PRDM5: variants seen among roughly 807,000 people sequenced by gnomAD.
PRDM5 encodes PR domain zinc finger protein 5.
PRDM5 carries 56 observed loss-of-function variants against 81.2 expected under a neutral mutation model. The ratio of observed to expected loss-of-function variants is 0.69; its 90% confidence interval spans 0.56 to 0.86. The LOEUF (loss-of-function observed/expected upper bound fraction) is 0.86. Ranked by LOEUF, PRDM5 falls within the 40% of genes least tolerant of loss-of-function variation. The probability of loss-of-function intolerance (pLI) is 0.00; values close to 1 mark genes in which losing one functional copy is unlikely to be tolerated. For missense variants in PRDM5, 697 were observed against 770.1 expected (o/e 0.91, Z 1.12); for synonymous variants, 267 against 256.4 (o/e 1.04, Z -0.39).
intron 14 of PRDM5, among the ~76,000 whole-genome samples, chr4:120,724,096 A>G (rs1739055229): frequency 6.6e-6 from 1 of 152,174 alleles, no homozygotes; most frequent in Non-Finnish European, 1.5e-5. Flanking sequence ...TATTTGAACC[A>G]GTACTGTAAG....
At chr4:120,851,906 C>T (rs1460484727) in intron 3 of PRDM5, among the ~76,000 whole-genome samples, 7 of 152,082 alleles carry the variant, frequency 4.6e-5, no homozygotes, top group Non-Finnish European at 1.0e-4. Flanking sequence ...AAATACTGTT[C>T]ATGTCTTATT....
chr4:120,869,949 G>T (rs1761600026), intron 2 of PRDM5, among the ~76,000 whole-genome samples: 1 of 151,988 alleles, frequency 6.6e-6, no homozygotes, highest in South Asian at 2.1e-4. Context: ...TGAGAGCACT[G>T]TGTAAGGAGA....
At chr4:120,778,347 A>G (rs1044732321) in intron 12 of PRDM5, among the ~76,000 whole-genome samples, 1 of 152,138 alleles carries the variant, frequency 6.6e-6, no homozygotes, top group Admixed American at 6.6e-5. Context: ...AAAGAATAGA[A>G]AAAGGTTTTT....
intron 14 of PRDM5, among the ~76,000 whole-genome samples, chr4:120,747,257 G>C (rs1364086471): frequency 1.4e-5 from 2 of 139,604 alleles, no homozygotes; most frequent in African/African-American, 5.4e-5. Context: ...ACACAGGAAG[G>C]GGAACATCAC....
At chr4:120,886,018 A>C (rs1158910926) in intron 2 of PRDM5, among the ~76,000 whole-genome samples, 1 of 152,212 alleles carries the variant, frequency 6.6e-6, no homozygotes, top group Non-Finnish European at 1.5e-5. Context: ...TGGCAGATAA[A>C]GGACAACCAC....
intron 14 of PRDM5, among the ~76,000 whole-genome samples, chr4:120,717,434 G>A (rs568538452): frequency 2.0e-4 from 31 of 152,254 alleles, no homozygotes; most frequent in Middle Eastern, 3.4e-3. Flanking sequence ...ATAAAAAGTC[G>A]TATTTTGTGT....
chr4:120,702,422 A>T (rs1395170770), intron 15 of PRDM5, among the ~76,000 whole-genome samples: 1 of 152,168 alleles, frequency 6.6e-6, no homozygotes, highest in Non-Finnish European at 1.5e-5. Context: ...CACATCTGCC[A>T]GGTGATGGTT....
intron 2 of PRDM5, among the ~76,000 whole-genome samples, chr4:120,858,506 C>T (rs1318540014): frequency 1.3e-5 from 2 of 152,058 alleles, no homozygotes; most frequent in Non-Finnish European, 2.9e-5. Flanking sequence ...GGGTTTTATT[C>T]CCCCACTGAT....
intron 2 of PRDM5, among the ~76,000 whole-genome samples, chr4:120,891,209 A>T (rs1419224214): frequency 6.6e-6 from 1 of 151,910 alleles, no homozygotes; most frequent in Non-Finnish European, 1.5e-5. Context: ...CAGTTTCTAA[A>T]CTCATTATTG....
chr4:120,916,386 C>CATAAATAA lies in PRDM5; in HGVS notation c.93+6122_93+6129dup, dbSNP rs5861497. On this transcript the variant is annotated intron_variant, in intron 1 of 15. Transcript: ENST00000264808. ...TGGACGACAGAGCAAGACTGTATCT[C>CATAAATAA]ATAAATAAATAAATAAATAAATAAA... Among the ~76,000 whole-genome samples the CATAAATAA allele has an allele frequency of 4.7e-3, 691 of 147,046 alleles. 2 individuals are homozygous for CATAAATAA. The highest frequency in any genetic ancestry group is 0.013 in the East Asian group (63 of 4,934).
intron 2 of PRDM5, among the ~76,000 whole-genome samples, chr4:120,866,942 T>C (rs1354438555): frequency 2.0e-5 from 3 of 152,174 alleles, no homozygotes; most frequent in South Asian, 2.1e-4. Flanking sequence ...CTGGTAAGTA[T>C]AGAAGTTAAA....
intron 9 of PRDM5, among the ~76,000 whole-genome samples, 182 bp downstream of exon 9, chr4:120,799,479 G>C (rs1203638079): frequency 1.3e-5 from 2 of 152,096 alleles, no homozygotes; most frequent in Non-Finnish European, 2.9e-5. Flanking sequence ...AAGCACCTTT[G>C]CTCTGTAAAT....
At position 120,715,214 on chromosome 4, in the gene PRDM5, T is replaced by A. The variant is rs150427306; in HGVS notation, c.1624-4801A>T. Among the ~76,000 whole-genome samples, 197 of 152,310 alleles carry A rather than the reference T, an allele frequency of 1.3e-3. 1 individual carries two copies. The highest frequency in any genetic ancestry group is 4.4e-3 in the African/African-American group (185 of 41,576). ...TCACTCACTTTCAGCTCCATTTTTGTTCATTGAATCCTGAGGGCTATCATT... is the reference window on the plus strand; with the variant it reads ...TCACTCACTTTCAGCTCCATTTTTGATCATTGAATCCTGAGGGCTATCATT... On this transcript the variant is annotated intron_variant, in intron 14 of 15. Coordinates refer to ENST00000264808, the MANE Select transcript of PRDM5 (RefSeq NM_018699.4).
At chr4:120,749,804 C>A (rs569206469) in intron 14 of PRDM5, among the ~76,000 whole-genome samples, 3 of 152,242 alleles carry the variant, frequency 2.0e-5, no homozygotes, top group African/African-American at 7.2e-5. Context: ...AGGGGAGGGG[C>A]AGAAAACCTG....
At position 120,838,991 on chromosome 4, in the gene PRDM5, C is replaced by G. The variant is rs1757684529; in HGVS notation, c.300+14427G>C. ...CCAGGTGCCAGCACAGGTGCCAGCT[C>G]TCTGCCAGGCTGCAGCTGGGACAGG... On this transcript the variant is annotated intron_variant, in intron 3 of 15. Coordinates refer to ENST00000264808, the MANE Select transcript of PRDM5 (RefSeq NM_018699.4). 1.3e-5 allele frequency: 7 copies of G among 542,120 alleles called. No individual in the cohort carries two copies. The South Asian group carries it at 1.5e-4, about 12-fold the overall frequency. The allele number at this position is 542,120 out of a possible 1,614,324, so 33.6% of individuals were successfully genotyped here.
At chr4:120,853,936 T>C (rs934116523) in intron 2 of PRDM5, among the ~76,000 whole-genome samples, 6 of 152,068 alleles carry the variant, frequency 3.9e-5, no homozygotes, top group African/African-American at 1.2e-4. Flanking sequence ...TTGAGAGGGG[T>C]AGAACTGGAG....
intron 14 of PRDM5, among the ~76,000 whole-genome samples, chr4:120,728,777 A>T (rs1739820100): frequency 1.3e-5 from 2 of 152,226 alleles, no homozygotes; most frequent in Admixed American, 1.3e-4. Context: ...GTTACAAGAA[A>T]GGGTAACATC....
At chr4:120,918,635 ATTT>A (rs534148936) in intron 1 of PRDM5, among the ~76,000 whole-genome samples, 4 of 110,728 alleles carry the variant, frequency 3.6e-5, no homozygotes, top group Admixed American at 1.0e-4. Flanking sequence ...TACGTCAGGT[ATTT>A]TTTTTTTTTT....
chr4:120,740,557 C>T (rs1741771821), intron 14 of PRDM5, among the ~76,000 whole-genome samples: 1 of 152,126 alleles, frequency 6.6e-6, no homozygotes, highest in Non-Finnish European at 1.5e-5. Context: ...GTGACTCCTC[C>T]CTATTCTTCA....
Sources: allele counts gnomAD v4.1 joint callset (sites outside exome capture counted in the v4.1 genomes callset), GRCh38; gene constraint gnomAD v4.1.1; transcripts MANE v1.5; gene names NCBI Gene and HGNC (gene_info 2026-07-23, HGNC 2026-07-21).